The following IFT56 variants were observed in gnomAD, a reference collection of about 807,000 sequenced individuals.
IFT56 encodes intraflagellar transport protein 56.
chr7:139,147,643 C>T, the IFT56 span, among the ~76,000 whole-genome samples: 1 of 152,238 alleles, frequency 6.6e-6, no homozygotes, highest in African/African-American at 2.4e-5. Flanking sequence ...CAATTTTTCC[C>T]CTTTGGGGGT....
At chr7:139,171,750 T>C in the IFT56 span, among the ~76,000 whole-genome samples, 2 of 152,178 alleles carry the variant, frequency 1.3e-5, no homozygotes, top group African/African-American at 4.8e-5. Flanking sequence ...AAGAAAACAT[T>C]GGGGAAACTC....
the IFT56 span, among the ~76,000 whole-genome samples, chr7:139,177,600 CAT>C: frequency 7.5e-6 from 1 of 134,076 alleles, no homozygotes; most frequent in African/African-American, 3.3e-5. Flanking sequence ...ATCGGATATA[CAT>C]ATATATATAG....
the IFT56 span, chr7:139,179,656 T>G: frequency 1.3e-6 from 2 of 1,591,360 alleles, no homozygotes; most frequent in East Asian, 4.5e-5. Context: ...GAGTCTTCTT[T>G]TTTTAAATAT....
the IFT56 span, among the ~76,000 whole-genome samples, chr7:139,147,788 T>C: frequency 1.3e-5 from 2 of 152,274 alleles, no homozygotes; most frequent in African/African-American, 4.8e-5. Context: ...CTTTAAACAC[T>C]TGGCCTCTCT....
At chr7:139,163,767 T>C in the IFT56 span, among the ~76,000 whole-genome samples, 2 of 152,102 alleles carry the variant, frequency 1.3e-5, no homozygotes, top group African/African-American at 4.8e-5. Flanking sequence ...GAGGTTCAGA[T>C]GGAGTTAGAA....
At chr7:139,161,142 C>A in the IFT56 span, 6 of 804,608 alleles carry the variant, frequency 7.5e-6, no homozygotes, top group Non-Finnish European at 3.9e-6. Flanking sequence ...TCCAAGGGAA[C>A]CCCTCCTCAC....
chr7:139,169,450 G>C, the IFT56 span: 1 of 1,074,654 alleles, frequency 9.3e-7, no homozygotes, highest in African/African-American at 1.6e-5. Flanking sequence ...GTATCTATTA[G>C]GCTTCACATT....
the IFT56 span, among the ~76,000 whole-genome samples, chr7:139,186,659 T>C: frequency 6.6e-6 from 1 of 151,478 alleles, no homozygotes; most frequent in African/African-American, 2.4e-5. Context: ...CATCCTGGAG[T>C]TGAACATGAT....
the IFT56 span, among the ~76,000 whole-genome samples, chr7:139,162,992 G>C: frequency 6.7e-6 from 1 of 149,008 alleles, no homozygotes; most frequent in Non-Finnish European, 1.5e-5. Context: ...TTGCTTTTTT[G>C]GGGGAGGATT....
chr7:139,134,016 A>G, the IFT56 span, among the ~76,000 whole-genome samples: 1 of 152,204 alleles, frequency 6.6e-6, no homozygotes, highest in East Asian at 1.9e-4. Flanking sequence ...ATGCAACTGT[A>G]AATACCTCGG....
the IFT56 span, among the ~76,000 whole-genome samples, chr7:139,175,780 C>CA: frequency 7.1e-4 from 99 of 139,546 alleles, no homozygotes; most frequent in African/African-American, 1.9e-3. Flanking sequence ...AGGATGGCTC[C>CA]AAAAAAAAAA....
At chr7:139,165,985 T>C in the IFT56 span, among the ~76,000 whole-genome samples, 7 of 152,148 alleles carry the variant, frequency 4.6e-5, no homozygotes, top group African/African-American at 1.7e-4. Flanking sequence ...TGAGACGGAG[T>C]CTTACTCTGT....
At chr7:139,139,255 G>T in the IFT56 span, among the ~76,000 whole-genome samples, 50 of 152,284 alleles carry the variant, frequency 3.3e-4, no homozygotes, top group Admixed American at 3.2e-3. Context: ...GAAAAGGGAA[G>T]GTGTGAAAAG....
chr7:139,164,474 A>G, the IFT56 span, among the ~76,000 whole-genome samples: 3 of 152,334 alleles, frequency 2.0e-5, no homozygotes, highest in Admixed American at 1.3e-4. Flanking sequence ...AATAAGGGTT[A>G]TGCTTTTATT....
At chr7:139,182,552 G>A in the IFT56 span, among the ~76,000 whole-genome samples, 2 of 152,266 alleles carry the variant, frequency 1.3e-5, no homozygotes, top group Admixed American at 6.5e-5. Context: ...GCTGTGCTTG[G>A]AGCTTTGGTA....
the IFT56 span, chr7:139,189,425 C>T: frequency 6.2e-7 from 1 of 1,610,216 alleles, no homozygotes; most frequent in Non-Finnish European, 8.5e-7. Flanking sequence ...AACAGAGTGT[C>T]CATCTAAAAT....
chr7:139,143,637 T>TA, the IFT56 span, among the ~76,000 whole-genome samples: 41 of 151,416 alleles, frequency 2.7e-4, no homozygotes, highest in Non-Finnish European at 4.9e-4. Context: ...AAATCTTTAT[T>TA]AAAAAAAAAC....
the IFT56 span, chr7:139,160,967 T>C: frequency 1.2e-6 from 2 of 1,613,544 alleles, no homozygotes; most frequent in Non-Finnish European, 8.5e-7. Context: ...AAAAGCTTGA[T>C]GGACAATGCT....
At chr7:139,159,309 T>A in the IFT56 span, among the ~76,000 whole-genome samples, 1 of 152,250 alleles carries the variant, frequency 6.6e-6, no homozygotes, top group East Asian at 1.9e-4. Context: ...TCTTGTGTTA[T>A]TTTTGGTAAG....
Sources: gnomAD v4.1 joint callset for allele counts (sites outside exome capture counted in the v4.1 genomes callset) on GRCh38, gnomAD v4.1.1 for gene constraint, MANE v1.5 for transcripts, NCBI Gene and HGNC (gene_info 2026-07-23, HGNC 2026-07-21) for gene names.